The following PIAS2 variants were observed in gnomAD, a reference collection of about 807,000 sequenced individuals.
PIAS2 encodes the protein protein inhibitor of activated STAT 2, also known as E3 SUMO-protein ligase PIAS2.
PIAS2 carries 19 observed loss-of-function variants against 69.7 expected under a neutral mutation model. The observed-to-expected ratio is 0.27, with a 90% confidence interval of 0.19 to 0.40. The LOEUF is 0.40. Among genes scored for constraint, PIAS2 ranks in the 10% least tolerant of loss-of-function variants. The pLI is 1.00. For synonymous variants in PIAS2, 261 were observed against 263.2 expected (o/e 0.99, Z 0.08); for missense variants, 624 against 757.0 (o/e 0.82, Z 2.06).
chr18:46,807,372 TATA>T lies in PIAS2; in HGVS notation c.*5058_*5060del, dbSNP rs2040744573. On this transcript the variant is annotated 3_prime_UTR_variant, in exon 14 of 14. Transcript: ENST00000585916. Reference sequence around the variant, plus strand: ...GTCAGATTTTATATATATATATATATATATATATATATTTTTTTTTTTTTTTTT... The same window carrying T: ...GTCAGATTTTATATATATATATATATTATATATATTTTTTTTTTTTTTTTT... 8 of 29,350 alleles carry T rather than the reference TATA, an allele frequency of 2.7e-4. No homozygotes were observed. Among genetic ancestry groups the T allele is most frequent in the East Asian group, 4.8e-4 (1 of 2,074 alleles). The allele number at this position is 29,350 out of a possible 1,614,324, so 1.8% of individuals were successfully genotyped here. A position where few individuals can be genotyped will look rare whatever the true frequency, so the allele number is the denominator to read the frequency against.
At chr18:46,891,772 A>G (rs936160076) in intron 1 of PIAS2, 1 of 228,888 alleles carries the variant, frequency 4.4e-6, no homozygotes, top group Non-Finnish European at 7.2e-6. Context: ...CCTCCACACT[A>G]CTCTACTGGC....
Position 46,917,357 on chromosome 18 carries a change from C to T in PIAS2, c.-12G>A, listed in dbSNP as rs1318041658. 1.4e-6 allele frequency: 2 copies of T among 1,463,716 alleles called. No homozygotes were observed. The highest frequency in any genetic ancestry group is 2.4e-5 in the Admixed American group (1 of 40,936). 90.7% of individuals were successfully genotyped at this position (1,463,716 alleles called of 1,614,324 possible). A position where few individuals can be genotyped will look rare whatever the true frequency, so the allele number is the denominator to read the frequency against. On this transcript the variant is annotated 5_prime_UTR_variant, in exon 1 of 14. Transcript: ENST00000585916. ...TCGAAATCCGCCATTTTATACCACC[C>T]GCGGGCGCCGCCGCCGCTGCCGCCG...
At position 46,804,913 on chromosome 18, in the gene PIAS2, G is replaced by C. The variant is rs2040617695; in HGVS notation, c.*7520C>G. 1 of 152,322 alleles carries C rather than the reference G, an allele frequency of 6.6e-6. No individual in the cohort carries two copies. Among genetic ancestry groups the C allele is most frequent in the Non-Finnish European group, 1.5e-5 (1 of 68,128 alleles). 9.4% of individuals were successfully genotyped at this position (152,322 alleles called of 1,614,324 possible). ...GAAAAGCAGCAGTAGAGAGGTGAGA[G>C]ACATGGAGATAAGAGAGGGGAAGTC... On this transcript the variant is annotated 3_prime_UTR_variant, in exon 14 of 14. Transcript: ENST00000585916.
At chr18:46,892,914 A>T (rs77887961) in intron 1 of PIAS2, among the ~76,000 whole-genome samples, 1 of 148,036 alleles carries the variant, frequency 6.8e-6, no homozygotes, top group Non-Finnish European at 1.5e-5. Context: ...GATTTTTTTT[A>T]TACTAAGTCT....
intron 1 of PIAS2, among the ~76,000 whole-genome samples, chr18:46,897,122 T>TGGGG (rs1443342067): frequency 6.6e-6 from 1 of 152,166 alleles, no homozygotes; most frequent in African/African-American, 2.4e-5. Context: ...TGTGGGCATG[T>TGGGG]GGGGACTCTA....
intron 2 of PIAS2, among the ~76,000 whole-genome samples, chr18:46,874,654 A>G (rs2050878564): frequency 1.3e-5 from 2 of 152,198 alleles, no homozygotes; most frequent in African/African-American, 4.8e-5. Flanking sequence ...TCCTTATGAA[A>G]TGCTATACGG....
intron 5 of PIAS2, among the ~76,000 whole-genome samples, chr18:46,852,242 T>C (rs188357467): frequency 3.9e-5 from 6 of 152,310 alleles, no homozygotes; most frequent in Admixed American, 3.9e-4. Flanking sequence ...TTCCATCAGA[T>C]GCGCATGTGA....
intron 2 of PIAS2, among the ~76,000 whole-genome samples, chr18:46,881,626 G>A (rs2145862438): frequency 6.6e-6 from 1 of 152,228 alleles, no homozygotes; most frequent in Non-Finnish European, 1.5e-5. Flanking sequence ...AAGAAGCCTT[G>A]ACTGAATTCT....
rs570810170 is a variant in PIAS2, at chr18:46,864,731, T to C, written c.500-483A>G. 1.7e-3 allele frequency among the ~76,000 whole-genome samples: 253 copies of C among 150,538 alleles called. 1 individual carries two copies. The highest frequency in any genetic ancestry group is 5.8e-3 in the African/African-American group (236 of 40,880). On this transcript the variant is annotated intron_variant, in intron 2 of 13. Transcript: ENST00000585916. The stretch of plus-strand genomic sequence containing the variant: ...GTTGCAGTGAGCCAAGATTGCACCA[T>C]TGCACTCCAGCCTGGGCAACAAGAG...
chr18:46,877,115 T>C lies in PIAS2; in HGVS notation c.500-12867A>G, dbSNP rs1173394859. Among the ~76,000 whole-genome samples the C allele has an allele frequency of 3.3e-5, 5 of 152,224 alleles. No individual in the cohort carries two copies. In the South Asian group the frequency reaches 1.0e-3, roughly 32 times the overall value. On this transcript the variant is annotated intron_variant, in intron 2 of 13. Coordinates refer to ENST00000585916, the MANE Select transcript of PIAS2 (RefSeq NM_004671.5). ...CTTATTCTTGTAGGATGTTATATCA[T>C]ACCCTGTGCCAGAAGCCTAGCACAA...
At chr18:46,843,813 T>C (rs906386988) in intron 8 of PIAS2, 2 of 301,232 alleles carry the variant, frequency 6.6e-6, no homozygotes, top group Admixed American at 5.0e-5. Context: ...CTGTATATTA[T>C]CTACAACATT....
chr18:46,828,034 G>C lies in PIAS2; in HGVS notation c.1433C>G (p.Ser478Cys). 6.2e-7 allele frequency: 1 copy of C among 1,613,902 alleles called. No homozygotes were observed. The change falls in exon 11 of 14, where the codon TCT (serine) becomes TGT (cysteine). Residue 478 changes from serine (S) to cysteine (C), a missense_variant. Transcript: ENST00000585916. ...GGCAGGAGGGTCTTCCTCTTCGTCA[G>C]AAGAGCTTTCTATTGTAAGATCAAT... is the stretch of plus-strand genomic sequence containing the variant. Reference protein sequence around the residue: ...DVIDLTIESSSDEEEDPPAKR... With the variant: ...DVIDLTIESSCDEEEDPPAKR...
At chr18:46,884,325 T>C (rs1472877010) in intron 2 of PIAS2, among the ~76,000 whole-genome samples, 1 of 152,006 alleles carries the variant, frequency 6.6e-6, no homozygotes, top group African/African-American at 2.4e-5. Flanking sequence ...TTTTTTATTT[T>C]TTTTTGAGAC....
In PIAS2 at chr18:46,890,716, C is replaced by G. The variant is rs147616988; in HGVS notation, c.363G>C (p.Val121=). 3 of 1,613,990 alleles carry G rather than the reference C, an allele frequency of 1.9e-6. No homozygotes were observed. The African/African-American group carries it at 4.0e-5, about 22-fold the overall frequency. Residue 121 remains valine (V), a synonymous_variant, in exon 2 of 14, where the codon GTG becomes GTC. Coordinates refer to ENST00000585916, the MANE Select transcript of PIAS2 (RefSeq NM_004671.5). ...PHSPSSPVGS[V]LLQDTKPTFE... is the part of the protein sequence containing the mutation. ...ATGTGGGCTTAGTATCTTGAAGCAGCACAGAACCAACAGGAGAGGATGGTG... is the reference window on the plus strand; with the variant it reads ...ATGTGGGCTTAGTATCTTGAAGCAGGACAGAACCAACAGGAGAGGATGGTG...
At position 46,917,338 on chromosome 18, in the gene PIAS2, T is replaced by G; in HGVS notation, c.8A>C (p.Asp3Ala). The G allele has an allele frequency of 6.8e-7, 1 of 1,473,234 alleles. No homozygotes were observed. The highest frequency in any genetic ancestry group is 9.0e-7 in the Non-Finnish European group (1 of 1,107,646). The allele number at this position is 1,473,234 out of a possible 1,614,324, so 91.3% of individuals were successfully genotyped here. A position where few individuals can be genotyped will look rare whatever the true frequency, so the allele number is the denominator to read the frequency against. ...CCCGCTTACCCTCAACTCTTCGAAA[T>G]CCGCCATTTTATACCACCCGCGGGC... MA[D>A]FEELRNMVSS... The change falls in exon 1 of 14, where the codon GAT becomes GCT. Residue 3 changes from aspartate (D) to alanine (A), a missense_variant. Physicochemically the swap from Asp to Ala is moderately radical, Grantham distance 126. Transcript: ENST00000585916.
At position 46,804,681 on chromosome 18, in the gene PIAS2, G is replaced by A. The variant is rs1436298553; in HGVS notation, c.*7752C>T. On this transcript the variant is annotated 3_prime_UTR_variant, in exon 14 of 14. Transcript: ENST00000585916. ...ACATTACTTCTATTAAATCATTGAG[G>A]TGCCTCATTTACATGCTCTTGTAGC... 6.6e-6 allele frequency: 1 copy of A among 152,012 alleles called. No homozygotes were observed. Among genetic ancestry groups the A allele is most frequent in the Non-Finnish European group, 1.5e-5 (1 of 68,004 alleles). The allele number at this position is 152,012 out of a possible 1,614,324, so 9.4% of individuals were successfully genotyped here.
intron 2 of PIAS2, among the ~76,000 whole-genome samples, chr18:46,877,942 A>C (rs1345841481): frequency 2.0e-5 from 3 of 152,228 alleles, no homozygotes; most frequent in African/African-American, 7.2e-5. Flanking sequence ...CAGTAAATGA[A>C]ATAATGCCAC....
At chr18:46,824,498 G>A (rs1318707340) in intron 11 of PIAS2, among the ~76,000 whole-genome samples, 1 of 152,070 alleles carries the variant, frequency 6.6e-6, no homozygotes, top group Non-Finnish European at 1.5e-5. Flanking sequence ...TTTTCTAAAT[G>A]TCTTAAGATT....
At chr18:46,910,038 C>T (rs2057080372) in intron 1 of PIAS2, among the ~76,000 whole-genome samples, 1 of 152,024 alleles carries the variant, frequency 6.6e-6, no homozygotes, top group South Asian at 2.1e-4. Flanking sequence ...CACCTGTAAT[C>T]CCGGCTACTC....
Sources: allele counts gnomAD v4.1 joint callset (sites outside exome capture counted in the v4.1 genomes callset), GRCh38; gene constraint gnomAD v4.1.1; transcripts MANE v1.5; gene names NCBI Gene and HGNC (gene_info 2026-07-23, HGNC 2026-07-21).